The following MYT1L variants were observed in gnomAD, a reference collection of about 807,000 sequenced individuals.
The protein encoded by MYT1L is myelin transcription factor 1-like protein.
In MYT1L, 12 loss-of-function variants were observed where a neutral mutation model predicts 126.7. The ratio of observed to expected loss-of-function variants is 0.09; its 90% CI spans 0.06 to 0.15. The LOEUF (loss-of-function observed/expected upper bound fraction) is 0.15, where lower values mean the gene tolerates loss of function less well. Ranked by LOEUF, MYT1L falls within the 10% of genes least tolerant of loss-of-function variation. The pLI is 1.00. For synonymous variants in MYT1L, 541 were observed against 604.2 expected (o/e 0.90, Z 1.53); for missense variants, 979 against 1,585.2 (o/e 0.62, Z 6.49).
chr2:1,979,178 C>T lies in MYT1L; in HGVS notation c.139G>A (p.Ala47Thr), dbSNP rs770273668. The T allele has an allele frequency of 6.2e-7, 1 of 1,613,628 alleles. No homozygotes were observed. ...DGSGHVSGKY[A>T]RHRSVYGCPL... ...TGCAGGCATTACCTTCTGTGTCTTG[C>T]ATATTTGCCACTGACATGACCACTG... Residue 47 changes from alanine (A) to threonine (T), a missense_variant, in exon 8 of 25, where the codon GCA becomes ACA. Transcript: ENST00000647738. The surrounding 1 kb of genome is among the most constrained non-coding windows in gnomAD (Gnocchi z 4.0).
chr2:2,151,732 T>A (rs184688718), intron 3 of MYT1L, among the ~76,000 whole-genome samples: 1 of 152,176 alleles, frequency 6.6e-6, no homozygotes, highest in African/African-American at 2.4e-5. Flanking sequence ...TTAACAACAG[T>A]AACTAACAAA....
At chr2:2,031,578 C>A (rs2066262655) in intron 4 of MYT1L, among the ~76,000 whole-genome samples, 2 of 145,012 alleles carry the variant, frequency 1.4e-5, no homozygotes, top group African/African-American at 5.2e-5. Flanking sequence ...GGGCCTTACA[C>A]ACACCCCTCG....
intron 2 of MYT1L, among the ~76,000 whole-genome samples, chr2:2,244,275 A>G (rs770843827): frequency 6.6e-6 from 1 of 152,162 alleles, no homozygotes; most frequent in African/African-American, 2.4e-5. Context: ...AGACCACTCA[A>G]TGTGGGTTTT....
chr2:1,877,628 G>A (rs1233678165), intron 18 of MYT1L, among the ~76,000 whole-genome samples: 3 of 152,102 alleles, frequency 2.0e-5, no homozygotes, highest in Admixed American at 6.6e-5. Flanking sequence ...GGACATGAAC[G>A]GTGAGAGCTG....
chr2:2,138,538 T>G (rs1442796024), intron 3 of MYT1L, among the ~76,000 whole-genome samples: 6 of 145,818 alleles, frequency 4.1e-5, no homozygotes, highest in African/African-American at 1.5e-4. Flanking sequence ...GTTCATGTCC[T>G]TTGTAGGGAC....
chr2:2,329,762 T>C (rs964838809), intron 1 of MYT1L, among the ~76,000 whole-genome samples: 1 of 152,120 alleles, frequency 6.6e-6, no homozygotes, highest in Non-Finnish European at 1.5e-5. Context: ...TAAAGAAAAT[T>C]TATCACTCAA....
intron 3 of MYT1L, among the ~76,000 whole-genome samples, chr2:2,075,579 A>T (rs918651720): frequency 6.6e-6 from 1 of 152,236 alleles, no homozygotes; most frequent in East Asian, 1.9e-4. Flanking sequence ...CTCAACTGTG[A>T]GTTTCAAACT....
chr2:1,802,078 C>T, intron 22 of MYT1L: 10 of 311,128 alleles, frequency 3.2e-5, no homozygotes, highest in Non-Finnish European at 5.3e-5. Context: ...GGACAGTTAA[C>T]CTGGGTCTTA....
intron 21 of MYT1L, among the ~76,000 whole-genome samples, chr2:1,814,014 G>A (rs551324228): frequency 1.4e-4 from 19 of 133,984 alleles, no homozygotes; most frequent in Middle Eastern, 4.2e-3. Flanking sequence ...GCGACAGAGC[G>A]AGACTCCGTC....
At chr2:1,975,300 G>A (rs1480912305) in intron 8 of MYT1L, among the ~76,000 whole-genome samples, 3 of 152,352 alleles carry the variant, frequency 2.0e-5, no homozygotes, top group Non-Finnish European at 2.9e-5. Context: ...AGCAGATCCC[G>A]CAGCTGTGGC....
At chr2:2,190,821 T>G (rs1346691162) in intron 2 of MYT1L, among the ~76,000 whole-genome samples, 2 of 152,154 alleles carry the variant, frequency 1.3e-5, no homozygotes, top group Non-Finnish European at 2.9e-5. Flanking sequence ...GTTTCACTCT[T>G]GTTTCCCAGG....
At chr2:2,300,767 G>A (rs1014558736) in intron 1 of MYT1L, among the ~76,000 whole-genome samples, 2 of 152,190 alleles carry the variant, frequency 1.3e-5, no homozygotes, top group African/African-American at 2.4e-5. Context: ...GGCTGTGCAA[G>A]CTTTCTTTGA....
rs13418814 is a variant in MYT1L, at chr2:2,028,618, T to C, written c.-158+25360A>G. 2.2e-3 allele frequency among the ~76,000 whole-genome samples: 332 copies of C among 152,306 alleles called. 2 individuals carry two copies. The highest frequency in any genetic ancestry group is 7.7e-3 in the African/African-American group (322 of 41,554). ...TGTATGGTGACAAAAATTATCATCA[T>C]GGTTCTGAAATATGCTCTTGTCAGG... On this transcript the variant is annotated intron_variant, in intron 4 of 24. Transcript: ENST00000647738.
chr2:1,963,247 C>T (rs2059105568), intron 8 of MYT1L, among the ~76,000 whole-genome samples: 1 of 152,134 alleles, frequency 6.6e-6, no homozygotes, highest in South Asian at 2.1e-4. Context: ...TTTTTTTTCC[C>T]CCTTGGGAAG....
chr2:2,091,115 G>A (rs576201152), intron 3 of MYT1L, among the ~76,000 whole-genome samples: 1 of 152,282 alleles, frequency 6.6e-6, no homozygotes, highest in Non-Finnish European at 1.5e-5. Flanking sequence ...ATCACCAATT[G>A]TGAATTCTTT....
intron 22 of MYT1L, 147 bp downstream of exon 22, chr2:1,808,929 G>C: frequency 1.4e-6 from 1 of 692,162 alleles, no homozygotes; most frequent in Non-Finnish European, 2.5e-6. Context: ...AAGTTGCTTC[G>C]CTTTATAGAT....
At chr2:2,029,842 C>T (rs2066038784) in intron 4 of MYT1L, among the ~76,000 whole-genome samples, 3 of 152,084 alleles carry the variant, frequency 2.0e-5, no homozygotes, top group Admixed American at 2.0e-4. Flanking sequence ...GGACCAAAAC[C>T]ATATTTGTCA....
At chr2:2,047,937 C>A (rs2068384307) in intron 4 of MYT1L, among the ~76,000 whole-genome samples, 1 of 152,292 alleles carries the variant, frequency 6.6e-6, no homozygotes, top group Middle Eastern at 3.4e-3. Context: ...AAATTTCTTT[C>A]CAGGCTTCTA....
intron 3 of MYT1L, among the ~76,000 whole-genome samples, chr2:2,137,034 A>C (rs1187404145): frequency 6.6e-6 from 1 of 152,112 alleles, no homozygotes; most frequent in Non-Finnish European, 1.5e-5. Context: ...AAGCATTCTT[A>C]TACACCAATA....
Sources: allele counts gnomAD v4.1 joint callset (sites outside exome capture counted in the v4.1 genomes callset), GRCh38; gene constraint gnomAD v4.1.1; non-coding constraint Gnocchi (gnomAD v3.1); transcripts MANE v1.5; gene names NCBI Gene and HGNC (gene_info 2026-07-23, HGNC 2026-07-21).